Variants in PRDM16 observed in about 807,000 individuals in gnomAD.
PRDM16 encodes the protein PR/SET domain 16.
In PRDM16, 23 loss-of-function variants were observed where a neutral mutation model predicts 110.6. That is an observed-to-expected ratio of 0.21 (90% CI 0.15 to 0.29). PRDM16 has a LOEUF of 0.29. Among genes scored for constraint, PRDM16 ranks in the 10% least tolerant of loss-of-function variants. The pLI is 1.00. For synonymous variants in PRDM16, 799 were observed against 781.8 expected (o/e 1.02, Z -0.37); for missense variants, 1,615 against 1,794.3 (o/e 0.90, Z 1.81).
chr1:3,332,473 G>A (rs1378784620), intron 3 of PRDM16, among the ~76,000 whole-genome samples: 1 of 152,062 alleles, frequency 6.6e-6, no homozygotes, highest in African/African-American at 2.4e-5. Context: ...CCCTCGGTTC[G>A]GTTTGGTTTA....
At chr1:3,074,735 C>G (rs953713409) in intron 1 of PRDM16, among the ~76,000 whole-genome samples, 6 of 152,202 alleles carry the variant, frequency 3.9e-5, no homozygotes, top group African/African-American at 1.4e-4. Flanking sequence ...CAGGTTGGCC[C>G]GGGAGGTGTA....
In PRDM16 at chr1:3,099,990, A is replaced by T. The variant is rs373097593; in HGVS notation, c.37+30694A>T. Among the ~76,000 whole-genome samples the T allele has an allele frequency of 3.9e-5, 6 of 152,236 alleles. No individual in the cohort carries two copies. The South Asian group carries it at 6.2e-4, about 16-fold the overall frequency. ...AGGAGGCACCTATGAGATGGAGGCC[A>T]CTGGGCTCGGCACCCCTGGGTGAGG... On this transcript the variant is annotated intron_variant, in intron 1 of 16. Transcript: ENST00000270722.
intron 9 of PRDM16, 30 bp from the exon 10 acceptor site, chr1:3,414,530 G>C (rs766492547): frequency 6.4e-7 from 1 of 1,573,810 alleles, no homozygotes; most frequent in East Asian, 2.3e-5. Flanking sequence ...CGGCTCGGTG[G>C]GGTACGTAAC....
chr1:3,414,647 G>T lies in PRDM16; in HGVS notation c.2691G>T (p.Gln897His). The change falls in exon 10 of 17, where the codon CAG becomes CAT. Residue 897 changes from glutamine (Q) to histidine (H), a missense_variant and splice_region_variant. This residue lies in a region of PRDM16 where 772 missense variants were observed against 748.3 expected (regional missense o/e 1.03). Transcript: ENST00000270722. Reference protein sequence around the residue: ...LRPSPLLFHPQMSAIETMTEK... With the variant: ...LRPSPLLFHPHMSAIETMTEK... ...CGTCCCCGCTGCTCTTCCACCCCCA[G>T]GTACGTCCTCAGTGCAGGTCAGGGC... 6.2e-7 allele frequency: 1 copy of T among 1,612,388 alleles called. No individual in the cohort carries two copies. The highest frequency in any genetic ancestry group is 1.1e-5 in the South Asian group (1 of 90,898).
At chr1:3,384,307 C>T (rs544721626) in intron 3 of PRDM16, among the ~76,000 whole-genome samples, 2 of 152,342 alleles carry the variant, frequency 1.3e-5, no homozygotes, top group East Asian at 1.9e-4. Context: ...GCCCAGGAAG[C>T]TTGCCCAAGA....
At position 3,145,207 on chromosome 1, in the gene PRDM16, T is replaced by C. The variant is rs911022134; in HGVS notation, c.38-40918T>C. Among the ~76,000 whole-genome samples the C allele has an allele frequency of 2.6e-5, 4 of 152,152 alleles. No homozygotes were observed. The South Asian group carries it at 8.3e-4, about 32-fold the overall frequency. On this transcript the variant is annotated intron_variant, in intron 1 of 16. Coordinates refer to ENST00000270722, the MANE Select transcript of PRDM16 (RefSeq NM_022114.4). ...CCCCCACCCCTCTTTGGGTTTGAGC[T>C]CCTGGTTGCTATCTAGGAACGTCCA...
At chr1:3,318,138 A>G (rs1350587620) in intron 3 of PRDM16, among the ~76,000 whole-genome samples, 3 of 151,518 alleles carry the variant, frequency 2.0e-5, no homozygotes, top group Admixed American at 6.6e-5. Flanking sequence ...CCAGTTTTTT[A>G]CTGCAAGTTT....
chr1:3,211,129 T>C (rs1387951937), intron 2 of PRDM16, among the ~76,000 whole-genome samples: 1 of 152,248 alleles, frequency 6.6e-6, no homozygotes, highest in Non-Finnish European at 1.5e-5. Context: ...ATTTGTTCGA[T>C]GCTGGTTGTC....
intron 1 of PRDM16, among the ~76,000 whole-genome samples, chr1:3,154,505 C>T (rs1222603664): frequency 6.6e-6 from 1 of 152,234 alleles, no homozygotes; most frequent in Non-Finnish European, 1.5e-5. Flanking sequence ...ACACTCCTCC[C>T]GCCTCCAGGA....
rs2817166 is a variant in PRDM16 at position 3,096,570 on chromosome 1, G to A, written c.37+27274G>A. Among the ~76,000 whole-genome samples the A allele has an allele frequency of 8.5e-3, 1,297 of 152,140 alleles. 17 individuals carry two copies. Among genetic ancestry groups the A allele is most frequent in the African/African-American group, 0.027 (1,104 of 41,442 alleles). The stretch of plus-strand genomic sequence containing the variant: ...TGCACCTGCCTCTTCCTCTTTTGCC[G>A]GCTGGGGCACATTCCCTCCCTCAGT... On this transcript the variant is annotated intron_variant, in intron 1 of 16. Transcript: ENST00000270722.
In PRDM16 at chr1:3,330,057, G is replaced by A. The variant is rs1398059420; in HGVS notation, c.439-55095G>A. Among the ~76,000 whole-genome samples the A allele has an allele frequency of 2.0e-5, 3 of 152,354 alleles. No individual in the cohort carries two copies. In the East Asian group the frequency reaches 5.8e-4, roughly 29 times the overall value. On this transcript the variant is annotated intron_variant, in intron 3 of 16. Transcript: ENST00000270722. Reference sequence around the variant, plus strand: ...ATCACAAGTGATGATGGCAGAGTCTGCCCAGAGAACAGCAGCAGAGCCCTC... The same window carrying A: ...ATCACAAGTGATGATGGCAGAGTCTACCCAGAGAACAGCAGCAGAGCCCTC...
At chr1:3,381,401 T>TG (rs1557643444) in intron 3 of PRDM16, among the ~76,000 whole-genome samples, 14 of 108,304 alleles carry the variant, frequency 1.3e-4, no homozygotes, top group East Asian at 2.4e-4. Flanking sequence ...TTTTTTCTGG[T>TG]TTTTTTTTTT....
At position 3,414,659 on chromosome 1, in the gene PRDM16, G is replaced by T. The variant is rs201371121; in HGVS notation, c.2691+12G>T. 6.8e-4 allele frequency: 1,086 copies of T among 1,608,410 alleles called. No homozygotes were observed. Among genetic ancestry groups the T allele is most frequent in the Non-Finnish European group, 8.7e-4 (1,024 of 1,176,580 alleles). Reference sequence around the variant, plus strand: ...TCTTCCACCCCCAGGTACGTCCTCAGTGCAGGTCAGGGCGCCCTGTAACCC... The same window carrying T: ...TCTTCCACCCCCAGGTACGTCCTCATTGCAGGTCAGGGCGCCCTGTAACCC... On this transcript the variant is annotated intron_variant, in intron 10 of 16. Coordinates refer to ENST00000270722, the MANE Select transcript of PRDM16 (RefSeq NM_022114.4).
At chr1:3,168,287 C>T (rs531389327) in intron 1 of PRDM16, among the ~76,000 whole-genome samples, 1 of 32,490 alleles carries the variant, frequency 3.1e-5, no homozygotes, top group Non-Finnish European at 5.8e-5. Flanking sequence ...CTCCTGCCAT[C>T]CTCCCGCCCC....
chr1:3,413,036 G>C (rs562833248), intron 9 of PRDM16, among the ~76,000 whole-genome samples: 1 of 152,240 alleles, frequency 6.6e-6, no homozygotes, highest in African/African-American at 2.4e-5. Context: ...AGGCCAGGAC[G>C]GGTGCTCCTG....
intron 1 of PRDM16, among the ~76,000 whole-genome samples, chr1:3,095,576 C>T (rs1642377563): frequency 6.6e-6 from 1 of 152,160 alleles, no homozygotes; most frequent in Non-Finnish European, 1.5e-5. Flanking sequence ...GCCCCCTGGA[C>T]TCAGCTTCCA....
At chr1:3,183,157 C>T (rs1192118959) in intron 1 of PRDM16, among the ~76,000 whole-genome samples, 1 of 152,214 alleles carries the variant, frequency 6.6e-6, no homozygotes, top group East Asian at 1.9e-4. Flanking sequence ...TGGAAATGCA[C>T]ACCTGTGTCA....
rs370714758 is a variant in PRDM16 at position 3,165,903 on chromosome 1, T to C, written c.38-20222T>C. 3.4e-4 allele frequency among the ~76,000 whole-genome samples: 40 copies of C among 116,568 alleles called. 7 individuals are homozygous for C. The highest frequency in any genetic ancestry group is 2.0e-3 in the East Asian group (5 of 2,458). The allele number at this position is 116,568 out of a possible 152,430, so 76.5% of individuals were successfully genotyped here. On this transcript the variant is annotated intron_variant, in intron 1 of 16. Transcript: ENST00000270722. ...CTCAGGCACAGGGACTCACCTGGGC[T>C]CAGGGACAGGGACTCACCTGGGCTC...
chr1:3,298,377 G>A (rs1641135084), intron 3 of PRDM16, among the ~76,000 whole-genome samples: 1 of 152,240 alleles, frequency 6.6e-6, no homozygotes, highest in African/African-American at 2.4e-5. Context: ...GCTGTCGGGA[G>A]GAGGGAAGCG....
Sources: allele counts gnomAD v4.1 joint callset (sites outside exome capture counted in the v4.1 genomes callset), GRCh38; gene constraint gnomAD v4.1.1; regional missense constraint gnomAD v4.1.1; transcripts MANE v1.5; gene names NCBI Gene and HGNC (gene_info 2026-07-23, HGNC 2026-07-21).